Variants in CPT1A observed in about 807,000 individuals in gnomAD.
The protein encoded by CPT1A is carnitine O-palmitoyltransferase 1, liver isoform.
Under a neutral mutation model 100.8 loss-of-function variants are expected in CPT1A, and 64 were observed. That is an observed-to-expected ratio of 0.63 (90% CI 0.52 to 0.78). The LOEUF (loss-of-function observed/expected upper bound fraction) is 0.78, where lower values mean the gene tolerates loss of function less well. Ranked by LOEUF, CPT1A falls within the 30% of genes least tolerant of loss-of-function variation. The pLI, the probability that CPT1A is intolerant of heterozygous loss-of-function variation, is 0.00. For synonymous variants in CPT1A, 363 were observed against 396.0 expected (o/e 0.92, Z 0.99); for missense variants, 802 against 1,034.1 (o/e 0.78, Z 3.08).
chr11:68,820,633 G>C (rs1856556823), intron 1 of CPT1A, among the ~76,000 whole-genome samples: 1 of 152,116 alleles, frequency 6.6e-6, no homozygotes, highest in Non-Finnish European at 1.5e-5. Context: ...AGTGAGCTGA[G>C]ATTGCACCAC....
intron 14 of CPT1A, among the ~76,000 whole-genome samples, chr11:68,763,817 T>C (rs1021536130): frequency 5.3e-5 from 8 of 152,122 alleles, no homozygotes; most frequent in Non-Finnish European, 1.2e-4. Context: ...GAATGCTTTT[T>C]TTCCAGCTAG....
chr11:68,827,531 C>G (rs1856762701), intron 1 of CPT1A, among the ~76,000 whole-genome samples: 1 of 151,642 alleles, frequency 6.6e-6, no homozygotes, highest in African/African-American at 2.4e-5. Flanking sequence ...CCCACCCCAC[C>G]CCCACCAGTT....
intron 14 of CPT1A, among the ~76,000 whole-genome samples, chr11:68,764,220 G>A (rs749213783): frequency 3.3e-5 from 5 of 152,200 alleles, no homozygotes; most frequent in Non-Finnish European, 4.4e-5. Context: ...GAAGGGGCCC[G>A]GGGCCACCAG....
At chr11:68,824,892 G>T (rs60019441) in intron 1 of CPT1A, among the ~76,000 whole-genome samples, 1 of 145,130 alleles carries the variant, frequency 6.9e-6, no homozygotes, top group Non-Finnish European at 1.5e-5. Flanking sequence ...TTTGCCTCCC[G>T]GGTTCAAGCA....
At chr11:68,819,927 C>A (rs1261282314) in intron 1 of CPT1A, among the ~76,000 whole-genome samples, 1 of 152,236 alleles carries the variant, frequency 6.6e-6, no homozygotes, top group African/African-American at 2.4e-5. Context: ...AAATCCCACC[C>A]TGGGTTCTGG....
chr11:68,838,023 G>C (rs1346457096), intron 1 of CPT1A, among the ~76,000 whole-genome samples: 2 of 152,052 alleles, frequency 1.3e-5, no homozygotes, highest in Non-Finnish European at 2.9e-5. Flanking sequence ...CGGCTCCTGG[G>C]CTGGGTACCA....
At chr11:68,767,504 G>A (rs565125147) in intron 14 of CPT1A, among the ~76,000 whole-genome samples, 3 of 152,216 alleles carry the variant, frequency 2.0e-5, no homozygotes, top group East Asian at 3.9e-4. Context: ...TGGGAGGATC[G>A]CCAGCACCCA....
intron 5 of CPT1A, among the ~76,000 whole-genome samples, chr11:68,802,656 C>A (rs1279298233): frequency 6.6e-6 from 1 of 151,776 alleles, no homozygotes; most frequent in Non-Finnish European, 1.5e-5. Flanking sequence ...ATGGTGTGAA[C>A]CCAGGAGGTG....
At chr11:68,774,781 C>CAA (rs1169875761) in intron 13 of CPT1A, among the ~76,000 whole-genome samples, 620 of 54,204 alleles carry the variant, frequency 0.011, 8 homozygotes, top group African/African-American at 0.039. Flanking sequence ...GACTACATCT[C>CAA]AAAAAAAAAA....
chr11:68,759,023 G>C (rs937122823), intron 18 of CPT1A, among the ~76,000 whole-genome samples: 1 of 152,182 alleles, frequency 6.6e-6, no homozygotes, highest in African/African-American at 2.4e-5. Context: ...TGAGGTAAGA[G>C]GATCGCGTGA....
At chr11:68,811,431 A>G (rs1294559405) in intron 3 of CPT1A, among the ~76,000 whole-genome samples, 1 of 152,156 alleles carries the variant, frequency 6.6e-6, no homozygotes, top group African/African-American at 2.4e-5. Context: ...TCCAAGCCCA[A>G]GGGTCACGGC....
At chr11:68,773,550 A>T in intron 13 of CPT1A, 121 bp from the exon 14 acceptor site, 1 of 1,540,980 alleles carries the variant, frequency 6.5e-7, no homozygotes. Context: ...GGAAGTACAC[A>T]AACGTTTTCC....
chr11:68,754,994 A>G lies in CPT1A; in HGVS notation c.*2650T>C. 3.1e-6 allele frequency: 2 copies of G among 637,230 alleles called. 1 individual carries two copies. Among genetic ancestry groups the G allele is most frequent in the Middle Eastern group, 7.3e-4 (2 of 2,726 alleles). 39.5% of individuals were successfully genotyped at this position (637,230 alleles called of 1,614,324 possible). On this transcript the variant is annotated 3_prime_UTR_variant, in exon 19 of 19. Transcript: ENST00000265641. The stretch of plus-strand genomic sequence containing the variant: ...ATTTACATGCACCGGTCAGCCCAAG[A>G]TAACAAATTCAAACCATGGCTGCGT...
At chr11:68,798,943 C>T (rs542166996) in intron 6 of CPT1A, among the ~76,000 whole-genome samples, 49 of 152,268 alleles carry the variant, frequency 3.2e-4, no homozygotes, top group African/African-American at 1.2e-3. Context: ...GGGAGGATCA[C>T]TTGAGCCCAG....
intron 10 of CPT1A, 99 bp downstream of exon 10, chr11:68,784,716 C>T (rs907602676): frequency 1.9e-5 from 23 of 1,196,690 alleles, no homozygotes; most frequent in South Asian, 1.3e-4. Flanking sequence ...TGGGGAGTCC[C>T]GTGCCAGGAT....
intron 18 of CPT1A, among the ~76,000 whole-genome samples, chr11:68,759,119 C>T (rs969849957): frequency 2.0e-5 from 3 of 151,728 alleles, no homozygotes; most frequent in South Asian, 2.1e-4. Flanking sequence ...TTAGGCCAGG[C>T]GCGGTGGCTC....
chr11:68,783,849 A>G (rs1241989371), intron 10 of CPT1A, among the ~76,000 whole-genome samples: 1 of 152,108 alleles, frequency 6.6e-6, no homozygotes, highest in Non-Finnish European at 1.5e-5. Context: ...CCTGCGAGAA[A>G]ACCAAGCTCG....
chr11:68,816,311 A>G (rs1302503082), intron 1 of CPT1A, among the ~76,000 whole-genome samples: 1 of 152,186 alleles, frequency 6.6e-6, no homozygotes, highest in Non-Finnish European at 1.5e-5. Flanking sequence ...CGAAGACTCC[A>G]TGAGTCATAT....
chr11:68,792,165 G>A (rs1369050745), intron 9 of CPT1A, among the ~76,000 whole-genome samples: 4 of 151,942 alleles, frequency 2.6e-5, no homozygotes, highest in African/African-American at 9.6e-5. Context: ...GTGAAACTCC[G>A]TCTCTACTAA....
Sources: allele counts gnomAD v4.1 joint callset (sites outside exome capture counted in the v4.1 genomes callset), GRCh38; gene constraint gnomAD v4.1.1; transcripts MANE v1.5; gene names NCBI Gene and HGNC (gene_info 2026-07-23, HGNC 2026-07-21).